The following SLC17A1 variants were observed in gnomAD, a reference collection of about 807,000 sequenced individuals.
The protein encoded by SLC17A1 is solute carrier family 17 member 1, also known as sodium-dependent phosphate transport protein 1.
SLC17A1 carries 51 observed loss-of-function variants against 53.5 expected under a neutral mutation model. The observed-to-expected ratio is 0.95, with a 90% CI of 0.76 to 1.20. The LOEUF is 1.20. Among genes scored for constraint, SLC17A1 ranks in the 50% most tolerant of loss-of-function variants. The probability of loss-of-function intolerance (pLI) is 0.00; values close to 1 mark genes in which losing one functional copy is unlikely to be tolerated. For synonymous variants in SLC17A1, 179 were observed against 198.8 expected (o/e 0.90, Z 0.84); for missense variants, 538 against 568.2 (o/e 0.95, Z 0.54).
chr6:25,765,112 G>A, the SLC17A1 span, among the ~76,000 whole-genome samples: 2 of 152,140 alleles, frequency 1.3e-5, no homozygotes, highest in Non-Finnish European at 2.9e-5. Context: ...TGGCTTTTAT[G>A]GTCCAAGGCT....
the SLC17A1 span, among the ~76,000 whole-genome samples, chr6:25,752,018 T>C: frequency 6.6e-6 from 1 of 152,242 alleles, no homozygotes; most frequent in African/African-American, 2.4e-5. Context: ...AATGTGGTTT[T>C]GCTTAGCCAA....
the SLC17A1 span, among the ~76,000 whole-genome samples, chr6:25,771,807 T>C: frequency 6.6e-6 from 1 of 152,074 alleles, no homozygotes; most frequent in Non-Finnish European, 1.5e-5. Context: ...GGGCAGATTA[T>C]GTGAGGTTCA....
intron 10 of SLC17A1, among the ~76,000 whole-genome samples, chr6:25,810,326 A>G (rs916090372): frequency 1.3e-5 from 2 of 152,168 alleles, no homozygotes; most frequent in African/African-American, 4.8e-5. Context: ...TGAAGAGGCA[A>G]CCTGAAGAAT....
intron 10 of SLC17A1, among the ~76,000 whole-genome samples, chr6:25,810,107 T>C (rs1042697306): frequency 6.6e-6 from 1 of 152,126 alleles, no homozygotes; most frequent in Non-Finnish European, 1.5e-5. Context: ...TATATAAAAA[T>C]CAACTCAAAA....
intron 10 of SLC17A1, among the ~76,000 whole-genome samples, chr6:25,804,702 C>G (rs577882772): frequency 6.6e-6 from 1 of 152,026 alleles, no homozygotes; most frequent in East Asian, 1.9e-4. Context: ...ATCTTACACA[C>G]AAATGGAAAC....
the SLC17A1 span, among the ~76,000 whole-genome samples, chr6:25,745,684 ATTTCAGAC>A: frequency 6.6e-6 from 1 of 152,306 alleles, no homozygotes; most frequent in South Asian, 2.1e-4. Context: ...AGGTCTTTCT[ATTTCAGAC>A]TTACAGAATA....
At chr6:25,770,550 TTA>T in the SLC17A1 span, 1 of 1,263,244 alleles carries the variant, frequency 7.9e-7, no homozygotes, top group Non-Finnish European at 1.2e-6. Flanking sequence ...AACCAAGATC[TTA>T]TATATCAATC....
At chr6:25,727,343 T>A in the SLC17A1 span, 3 of 1,490,560 alleles carry the variant, frequency 2.0e-6, no homozygotes, top group Non-Finnish European at 2.7e-6. Flanking sequence ...TCAGAGCCAC[T>A]TAAACATACT....
chr6:25,782,534 A>G (rs1490193056), downstream of SLC17A1, among the ~76,000 whole-genome samples: 2 of 152,158 alleles, frequency 1.3e-5, no homozygotes, highest in Non-Finnish European at 2.9e-5. Context: ...AGGAAGGAAA[A>G]GGACCAGATT....
the SLC17A1 span, chr6:25,727,131 A>AT: frequency 1.2e-6 from 2 of 1,614,238 alleles, no homozygotes; most frequent in Non-Finnish European, 1.7e-6. Flanking sequence ...CTTTGAGCGT[A>AT]TAGCGAGCGA....
intron 10 of SLC17A1, among the ~76,000 whole-genome samples, chr6:25,810,614 G>A (rs1764120416): frequency 6.6e-6 from 1 of 152,026 alleles, no homozygotes; most frequent in African/African-American, 2.4e-5. Flanking sequence ...GTGTTGATGG[G>A]GATGTGGAAA....
At chr6:25,739,224 G>A in the SLC17A1 span, among the ~76,000 whole-genome samples, 3 of 152,196 alleles carry the variant, frequency 2.0e-5, no homozygotes, top group African/African-American at 7.2e-5. Flanking sequence ...CTTGGTTTGT[G>A]GATAGCCTTC....
At chr6:25,733,077 C>A in the SLC17A1 span, among the ~76,000 whole-genome samples, 2 of 152,046 alleles carry the variant, frequency 1.3e-5, no homozygotes, top group African/African-American at 4.8e-5. Context: ...CTTTAATACT[C>A]GGTAGTATTG....
At chr6:25,788,902 T>A (rs1016727976) in intron 12 of SLC17A1, among the ~76,000 whole-genome samples, 3 of 152,142 alleles carry the variant, frequency 2.0e-5, no homozygotes, top group Non-Finnish European at 2.9e-5. Context: ...GTAGAAAACT[T>A]GAAGAAACTT....
chr6:25,810,467 A>G (rs576334465), intron 10 of SLC17A1, among the ~76,000 whole-genome samples: 1 of 152,300 alleles, frequency 6.6e-6, no homozygotes, highest in South Asian at 2.1e-4. Context: ...ACATTTCTCA[A>G]AAAAAGATAT....
At chr6:25,731,742 G>C in the SLC17A1 span, 650 of 1,366,388 alleles carry the variant, frequency 4.8e-4, 5 homozygotes, top group African/African-American at 8.3e-3. Context: ...TCTTAAAAGA[G>C]CCTTTGGTTT....
chr6:25,727,193 G>A, the SLC17A1 span: 1 of 1,614,164 alleles, frequency 6.2e-7, no homozygotes. Context: ...CTTCCAGAGA[G>A]ATTCAGACAG....
chr6:25,767,249 A>C, the SLC17A1 span, among the ~76,000 whole-genome samples: 2 of 152,244 alleles, frequency 1.3e-5, no homozygotes, highest in Non-Finnish European at 2.9e-5. Flanking sequence ...AAGCTCAACT[A>C]TATATACTAA....
At chr6:25,825,296 G>A (rs1388435407) in intron 3 of SLC17A1, among the ~76,000 whole-genome samples, 2 of 140,308 alleles carry the variant, frequency 1.4e-5, no homozygotes, top group Admixed American at 7.0e-5. Flanking sequence ...CAGTAAATTC[G>A]TATATATGAA....
Sources: allele counts gnomAD v4.1 joint callset (sites outside exome capture counted in the v4.1 genomes callset), GRCh38; gene constraint gnomAD v4.1.1; transcripts MANE v1.5; gene names NCBI Gene and HGNC (gene_info 2026-07-23, HGNC 2026-07-21).